The following MIAT variants were observed in gnomAD, a reference collection of about 807,000 sequenced individuals.
The protein encoded by MIAT is MI related novel mRNA.
At chr22:26,653,053 C>G (rs1279995546) in intron 2 of MIAT, among the ~76,000 whole-genome samples, 4 of 152,150 alleles carry the variant, frequency 2.6e-5, no homozygotes, top group Admixed American at 6.6e-5. Context: ...GATGCCAGCT[C>G]TACTTCTCAA....
downstream of MIAT, chr22:26,673,729 T>C (rs571718979): frequency 5.0e-6 from 2 of 398,554 alleles, no homozygotes; most frequent in East Asian, 7.1e-5. Flanking sequence ...AGCTAACAAT[T>C]TTGGGCGTGG....
At chr22:26,661,961 TACACACACAC>T (rs1555948831) in intron 2 of MIAT, among the ~76,000 whole-genome samples, 1 of 44,014 alleles carries the variant, frequency 2.3e-5, no homozygotes, top group Admixed American at 2.5e-4. Context: ...TATATATATA[TACACACACAC>T]ACATATACAT....
chr22:26,669,994 C>T (rs1431893104), downstream of MIAT: 1 of 398,320 alleles, frequency 2.5e-6, no homozygotes, highest in Non-Finnish European at 4.4e-6. Flanking sequence ...CAGTGCCTGA[C>T]TCCCAGTAGG....
chr22:26,648,559 G>GT (rs113480751), intron 2 of MIAT, among the ~76,000 whole-genome samples: 16 of 111,246 alleles, frequency 1.4e-4, no homozygotes, highest in Non-Finnish European at 2.7e-4. Flanking sequence ...ATGGGGTTTT[G>GT]TTTTTTTTTT....
At chr22:26,671,830 TAA>T (rs370514350), downstream of MIAT, 12 of 352,908 alleles carry the variant, frequency 3.4e-5, no homozygotes, top group South Asian at 4.3e-4. Flanking sequence ...GGCAGACACC[TAA>T]AAAAAAAAAA....
At chr22:26,648,692 C>G (rs1930282691) in intron 2 of MIAT, among the ~76,000 whole-genome samples, 1 of 152,086 alleles carries the variant, frequency 6.6e-6, no homozygotes, top group South Asian at 2.1e-4. Flanking sequence ...AGTATCTACA[C>G]TGCCCTGAAT....
chr22:26,664,245 C>T (rs916084316), intron 3 of MIAT, among the ~76,000 whole-genome samples: 5 of 152,010 alleles, frequency 3.3e-5, no homozygotes, highest in Admixed American at 6.5e-5. Context: ...CTCCTGACCT[C>T]GAGTGGTCGC....
chr22:26,675,299 A>G, exon 5 of MIAT: 1 of 398,768 alleles, frequency 2.5e-6, no homozygotes, highest in Non-Finnish European at 4.4e-6. Context: ...TGGAAGGTTC[A>G]TGTGGAATGT....
intron 2 of MIAT, among the ~76,000 whole-genome samples, chr22:26,652,646 G>T (rs533139774): frequency 6.6e-6 from 1 of 152,262 alleles, no homozygotes; most frequent in East Asian, 1.9e-4. Flanking sequence ...ATGAGCCACT[G>T]CGCCTGGCCC....
At chr22:26,650,246 T>A in intron 2 of MIAT, 1 of 152,166 alleles carries the variant, frequency 6.6e-6, no homozygotes, top group East Asian at 1.9e-4. Context: ...AAAGACCACA[T>A]GAGGACACAG....
intron 2 of MIAT, among the ~76,000 whole-genome samples, chr22:26,648,348 G>A (rs142165944): frequency 6.6e-6 from 1 of 152,252 alleles, no homozygotes; most frequent in African/African-American, 2.4e-5. Context: ...ATGGAGACAC[G>A]GCCCTGCACG....
chr22:26,667,295 C>T (rs1377303353), exon 5 of MIAT: 2 of 398,334 alleles, frequency 5.0e-6, no homozygotes, highest in Non-Finnish European at 4.4e-6. Context: ...CGCTTTATTA[C>T]AGTCTCGGCA....
exon 5 of MIAT, chr22:26,675,956 A>G (rs565634365): frequency 2.5e-6 from 1 of 398,532 alleles, no homozygotes; most frequent in South Asian, 1.3e-4. Flanking sequence ...GTGTGTGTGC[A>G]TCTTGACAAT....
intron 2 of MIAT, chr22:26,655,942 C>T (rs977478720): frequency 2.0e-5 from 3 of 152,192 alleles, no homozygotes; most frequent in Non-Finnish European, 4.4e-5. Flanking sequence ...CCCAGGCTTC[C>T]CAAAGTTCTG....
At chr22:26,668,400 G>A (rs945727725) in exon 6 of MIAT, 2 of 398,800 alleles carry the variant, frequency 5.0e-6, no homozygotes, top group South Asian at 1.3e-4. Flanking sequence ...GACAGCTCCA[G>A]GGGTATGAGG....
At chr22:26,667,842 C>T (rs1569222939) in intron 5 of MIAT, 1 of 198,262 alleles carries the variant, frequency 5.0e-6, no homozygotes, top group African/African-American at 2.3e-5. Context: ...CCATGCCTGG[C>T]TTATTTTTTG....
downstream of MIAT, chr22:26,672,905 T>C (rs779967382): frequency 2.5e-6 from 1 of 398,428 alleles, no homozygotes; most frequent in African/African-American, 2.1e-5. Flanking sequence ...CGGAAGTCAG[T>C]GAGAGGACTC....
exon 5 of MIAT, chr22:26,675,275 A>T: frequency 2.5e-6 from 1 of 398,734 alleles, no homozygotes; most frequent in African/African-American, 2.1e-5. Context: ...ATCAGAGAGG[A>T]TCCAAAGAGG....
At chr22:26,667,783 A>G (rs4822765) in intron 5 of MIAT, 65,077 of 172,220 alleles carry the variant, frequency 0.38, 13,105 homozygotes, top group South Asian at 0.48. Context: ...GGCTCAATAC[A>G]TCCTCCCACC....
Sources: allele counts gnomAD v4.1 joint callset (sites outside exome capture counted in the v4.1 genomes callset), GRCh38; gene constraint gnomAD v4.1.1; transcripts MANE v1.5; gene names NCBI Gene and HGNC (gene_info 2026-07-23, HGNC 2026-07-21).